SFMBT2: variants seen among roughly 807,000 people sequenced by gnomAD.
SFMBT2 encodes the protein scm-like with four MBT domains protein 2.
A neutral mutation model predicts 110.1 loss-of-function variants in SFMBT2; 38 were observed. That is an observed-to-expected ratio of 0.35 (90% confidence interval 0.27 to 0.45). SFMBT2 has a LOEUF of 0.45. SFMBT2 is among the 20% of genes least tolerant of loss of function. The pLI, the probability that SFMBT2 is intolerant of heterozygous loss-of-function variation, is 1.00. For synonymous variants in SFMBT2, 425 were observed against 425.4 expected (o/e 1.00, Z 0.01); for missense variants, 1,011 against 1,094.9 (o/e 0.92, Z 1.08).
intron 12 of SFMBT2, chr10:7,204,935 T>C (rs1264700873): frequency 1.0e-6 from 1 of 985,196 alleles, no homozygotes; most frequent in Non-Finnish European, 1.2e-6. Context: ...TGTGCACACA[T>C]GTATGAATGG....
chr10:7,254,414 AT>A (rs139138183), intron 7 of SFMBT2, among the ~76,000 whole-genome samples: 2,750 of 152,204 alleles, frequency 0.018, 64 homozygotes, highest in African/African-American at 0.061. Flanking sequence ...TTCAAAACAA[AT>A]TTTTTTACTT....
At chr10:7,206,537 A>G (rs771356941) in intron 11 of SFMBT2, 3 of 985,334 alleles carry the variant, frequency 3.0e-6, no homozygotes, top group Non-Finnish European at 3.6e-6. Context: ...TTTTGAACTC[A>G]GTTTGTGGCC....
chr10:7,282,073 T>C (rs769613212), intron 6 of SFMBT2, among the ~76,000 whole-genome samples: 6 of 152,214 alleles, frequency 3.9e-5, no homozygotes, highest in Non-Finnish European at 7.3e-5. Context: ...CTCCAACTCC[T>C]GAGCTCAGGC....
intron 11 of SFMBT2, among the ~76,000 whole-genome samples, chr10:7,218,304 G>T (rs1015249715): frequency 6.6e-6 from 1 of 152,126 alleles, no homozygotes; most frequent in African/African-American, 2.4e-5. Flanking sequence ...AATAATGAGA[G>T]CTAAGTGCCA....
chr10:7,202,385 T>C lies in SFMBT2; in HGVS notation c.1487+95A>G, dbSNP rs2080852403. 6.7e-6 allele frequency: 10 copies of C among 1,488,492 alleles called. No homozygotes were observed. The South Asian group carries it at 6.8e-5, about 10-fold the overall frequency. 92.2% of individuals were successfully genotyped at this position (1,488,492 alleles called of 1,614,324 possible). On this transcript the variant is annotated intron_variant, in intron 13 of 20. Transcript: ENST00000397167. ...CTCTACTAGGGTGCTATTTGTTAGA[T>C]AACTCCAATAAAAACAGCCATGCTT...
chr10:7,387,946 CAAA>C (rs377383266), intron 1 of SFMBT2, among the ~76,000 whole-genome samples: 5 of 107,242 alleles, frequency 4.7e-5, no homozygotes, highest in Non-Finnish European at 4.1e-5. Flanking sequence ...AACTCTGTTT[CAAA>C]AAAAAAAAAA....
chr10:7,314,925 AAGAGAG>A (rs368054772), intron 4 of SFMBT2, among the ~76,000 whole-genome samples: 1 of 149,832 alleles, frequency 6.7e-6, no homozygotes, highest in Non-Finnish European at 1.5e-5. Flanking sequence ...GAGAAACAGA[AAGAGAG>A]AGAGAGAGAA....
chr10:7,399,410 T>G (rs1846013700), intron 1 of SFMBT2, among the ~76,000 whole-genome samples: 1 of 152,172 alleles, frequency 6.6e-6, no homozygotes, highest in Admixed American at 6.5e-5. Flanking sequence ...TTTTTTATTT[T>G]TAGTAGAGAC....
chr10:7,308,442 A>G (rs1564432055), intron 4 of SFMBT2, among the ~76,000 whole-genome samples: 1 of 152,164 alleles, frequency 6.6e-6, no homozygotes, highest in Non-Finnish European at 1.5e-5. Context: ...ATAAATTTAG[A>G]CCTTTTCCTT....
intron 9 of SFMBT2, among the ~76,000 whole-genome samples, chr10:7,242,528 G>C (rs1237129761): frequency 1.3e-5 from 2 of 152,202 alleles, no homozygotes; most frequent in East Asian, 1.9e-4. Flanking sequence ...TTCTGTGTAA[G>C]TTTACCATAT....
chr10:7,234,278 C>A (rs137892490), intron 9 of SFMBT2, among the ~76,000 whole-genome samples: 81 of 151,842 alleles, frequency 5.3e-4, no homozygotes, highest in African/African-American at 1.9e-3. Context: ...AGCACTAGCC[C>A]TACCGCCTTC....
chr10:7,287,160 A>G (rs953141734), intron 4 of SFMBT2, among the ~76,000 whole-genome samples: 2 of 145,684 alleles, frequency 1.4e-5, no homozygotes, highest in Non-Finnish European at 3.0e-5. Flanking sequence ...GCTCACTGCA[A>G]GCTCCGCCTC....
chr10:7,323,613 T>C (rs1020741025), intron 4 of SFMBT2, among the ~76,000 whole-genome samples: 2 of 152,124 alleles, frequency 1.3e-5, no homozygotes, highest in African/African-American at 4.8e-5. Context: ...GTTGAAATGT[T>C]AGAATTTGAT....
At chr10:7,287,412 G>A (rs1233336758) in intron 4 of SFMBT2, 2 of 244,070 alleles carry the variant, frequency 8.2e-6, no homozygotes, top group Non-Finnish European at 1.3e-5. Flanking sequence ...ATCAGACTGT[G>A]GAGGGCAACA....
At chr10:7,395,955 C>T (rs1845914851) in intron 1 of SFMBT2, among the ~76,000 whole-genome samples, 1 of 151,860 alleles carries the variant, frequency 6.6e-6, no homozygotes, top group South Asian at 2.1e-4. Context: ...GCTGACTGGG[C>T]CAGGTGAGGT....
At chr10:7,167,261 T>C (rs929721802) in intron 20 of SFMBT2, among the ~76,000 whole-genome samples, 3 of 152,204 alleles carry the variant, frequency 2.0e-5, no homozygotes, top group African/African-American at 7.2e-5. Flanking sequence ...GAAAGCTGAA[T>C]ACATAGGTAA....
chr10:7,300,790 GAGTT>G (rs1842536438), intron 4 of SFMBT2, among the ~76,000 whole-genome samples: 1 of 152,236 alleles, frequency 6.6e-6, no homozygotes, highest in Non-Finnish European at 1.5e-5. Flanking sequence ...TATATTTAGT[GAGTT>G]AGAGCACTGG....
In SFMBT2 at chr10:7,160,155, T is replaced by C. The variant is rs1837512120; in HGVS notation, c.*3615A>G. 1 of 152,202 alleles carries C rather than the reference T, an allele frequency of 6.6e-6. No individual in the cohort carries two copies. Among genetic ancestry groups the C allele is most frequent in the African/African-American group, 2.4e-5 (1 of 41,444 alleles). 9.4% of individuals were successfully genotyped at this position (152,202 alleles called of 1,614,324 possible). ...CAACTTGGATCAAATGACTCTAATT[T>C]TGAAAGTGATGGATGAGTTCCCCAC... is the stretch of plus-strand genomic sequence containing the variant. On this transcript the variant is annotated 3_prime_UTR_variant, in exon 21 of 21. Coordinates refer to ENST00000397167, the MANE Select transcript of SFMBT2 (RefSeq NM_001387889.1).
chr10:7,240,611 CTCTCAACGGCAATGTCTAAG>C (rs1322129158), intron 9 of SFMBT2, among the ~76,000 whole-genome samples: 1 of 152,052 alleles, frequency 6.6e-6, no homozygotes, highest in Non-Finnish European at 1.5e-5. Context: ...CCTTCCTGCA[CTCTCAACGGCAATGTCTAAG>C]AATCTTTATT....
Sources: gnomAD v4.1 joint callset for allele counts (sites outside exome capture counted in the v4.1 genomes callset) on GRCh38, gnomAD v4.1.1 for gene constraint, MANE v1.5 for transcripts, NCBI Gene and HGNC (gene_info 2026-07-23, HGNC 2026-07-21) for gene names.